ANKMY1: variants seen among roughly 807,000 people sequenced by gnomAD.
ANKMY1 encodes the protein ankyrin repeat and MYND domain-containing protein 1.
A neutral mutation model predicts 102.0 loss-of-function variants in ANKMY1; 98 were observed. That is an observed-to-expected ratio of 0.96 (90% confidence interval 0.82 to 1.14). The LOEUF (loss-of-function observed/expected upper bound fraction) is 1.14. Ranked by LOEUF, ANKMY1 falls within the 50% of genes most tolerant of loss-of-function variation. The pLI, the probability that ANKMY1 is intolerant of heterozygous loss-of-function variation, is 0.00. For missense variants in ANKMY1, 1,330 were observed against 1,347.6 expected (o/e 0.99, Z 0.20); for synonymous variants, 582 against 559.9 (o/e 1.04, Z -0.56).
intron 4 of ANKMY1, among the ~76,000 whole-genome samples, chr2:240,531,469 T>A (rs1575206876): frequency 6.6e-6 from 1 of 152,154 alleles, no homozygotes; most frequent in Admixed American, 6.5e-5. Context: ...AACCAAAAAT[T>A]TGGAAGAAGT....
intron 4 of ANKMY1, among the ~76,000 whole-genome samples, chr2:240,536,657 C>T (rs1445049692): frequency 6.6e-6 from 1 of 152,214 alleles, no homozygotes; most frequent in Admixed American, 6.5e-5. Flanking sequence ...AGATGTATCG[C>T]ATTGCCTTTC....
the ANKMY1 span, among the ~76,000 whole-genome samples, chr2:240,469,953 CAT>C: frequency 1.3e-5 from 2 of 152,236 alleles, no homozygotes; most frequent in African/African-American, 2.4e-5. Flanking sequence ...CATGCATGCA[CAT>C]GTGCACAGGC....
rs568628000 is a variant in ANKMY1, at chr2:240,535,295, T to C, written c.481-5786A>G. Among the ~76,000 whole-genome samples the C allele has an allele frequency of 3.9e-5, 6 of 152,324 alleles. No homozygotes were observed. The East Asian group carries it at 9.6e-4, about 24-fold the overall frequency. ...AAAGTGGGGGCTTTCAGGCTGCAGG[T>C]AAATTTAAATATTTTCTGGTTGACA... On this transcript the variant is annotated intron_variant, in intron 4 of 17. Transcript: ENST00000401804.
At chr2:240,538,577 C>G (rs2087613807) in intron 4 of ANKMY1, among the ~76,000 whole-genome samples, 1 of 152,184 alleles carries the variant, frequency 6.6e-6, no homozygotes, top group East Asian at 1.9e-4. Context: ...CCTGCACTGC[C>G]CCAGCCTCCC....
intron 12 of ANKMY1, among the ~76,000 whole-genome samples, chr2:240,508,591 C>T (rs1032983508): frequency 2.0e-5 from 3 of 152,206 alleles, no homozygotes; most frequent in African/African-American, 7.2e-5. Flanking sequence ...CTTTATAATA[C>T]TTGTCATTTC....
chr2:240,496,332 C>G (rs763040759), intron 15 of ANKMY1, among the ~76,000 whole-genome samples: 2 of 151,322 alleles, frequency 1.3e-5, no homozygotes, highest in Non-Finnish European at 2.9e-5. Flanking sequence ...TCTCTCTCAC[C>G]TCTGCTTCTG....
chr2:240,471,902 GA>G, the ANKMY1 span, among the ~76,000 whole-genome samples: 1 of 152,132 alleles, frequency 6.6e-6, no homozygotes, highest in African/African-American at 2.4e-5. Flanking sequence ...CCTGACACAG[GA>G]ACCATCTGCC....
intron 9 of ANKMY1, among the ~76,000 whole-genome samples, chr2:240,516,541 T>C (rs954941482): frequency 6.6e-6 from 1 of 152,366 alleles, no homozygotes; most frequent in East Asian, 1.9e-4. Flanking sequence ...CTAATTATTG[T>C]TAAGTTGTTG....
intron 11 of ANKMY1, among the ~76,000 whole-genome samples, chr2:240,510,677 T>TGAGGGGCTCCTGGGA (rs2080001751): frequency 6.6e-6 from 1 of 152,132 alleles, no homozygotes; most frequent in African/African-American, 2.4e-5. Context: ...AGAAGTCTGC[T>TGAGGGGCTCCTGGGA]GAGGGGCTCC....
intron 14 of ANKMY1, 95 bp downstream of exon 14, chr2:240,500,357 G>A: frequency 5.9e-6 from 8 of 1,350,230 alleles, no homozygotes; most frequent in South Asian, 4.0e-5. Flanking sequence ...GGAACCTTGA[G>A]CCCAGCTTTG....
At chr2:240,558,426 G>C (rs2092649794), upstream of ANKMY1, 1 of 150,618 alleles carries the variant, frequency 6.6e-6, no homozygotes, top group Non-Finnish European at 1.5e-5. Flanking sequence ...AGATGAGGGA[G>C]GCCGCAAGAG....
Position 240,555,163 on chromosome 2 carries a change from G to A in ANKMY1, c.147-108C>T, listed in dbSNP as rs543119971. The A allele has an allele frequency of 7.5e-5, 92 of 1,222,172 alleles. No individual in the cohort carries two copies. In the African/African-American group the frequency reaches 1.2e-3, roughly 16 times the overall value. The allele number at this position is 1,222,172 out of a possible 1,614,324, so 75.7% of individuals were successfully genotyped here. ...ACCCAGCATCTCATTTCATCCCACA[G>A]TCCCGGGGCAGGTGCCGCTGCATCC... is the stretch of plus-strand genomic sequence containing the variant. On this transcript the variant is annotated intron_variant, in intron 2 of 17. Transcript: ENST00000401804.
intron 4 of ANKMY1, among the ~76,000 whole-genome samples, chr2:240,535,969 G>A (rs2086633068): frequency 6.6e-6 from 1 of 151,972 alleles, no homozygotes; most frequent in South Asian, 2.1e-4. Flanking sequence ...TTAAAAAGTT[G>A]GCCAAAGTCT....
intron 15 of ANKMY1, among the ~76,000 whole-genome samples, chr2:240,497,197 T>C (rs1398680167): frequency 6.6e-6 from 1 of 152,036 alleles, no homozygotes; most frequent in African/African-American, 2.4e-5. Flanking sequence ...CGCCACCTCC[T>C]CGCCATCTTG....
chr2:240,515,999 C>T (rs2081134357), intron 9 of ANKMY1, among the ~76,000 whole-genome samples: 1 of 151,586 alleles, frequency 6.6e-6, no homozygotes, highest in Non-Finnish European at 1.5e-5. Flanking sequence ...GCTGGGATTA[C>T]AGGCAATAAT....
At chr2:240,497,273 G>A (rs937526116) in intron 15 of ANKMY1, among the ~76,000 whole-genome samples, 1 of 152,140 alleles carries the variant, frequency 6.6e-6, no homozygotes, top group African/African-American at 2.4e-5. Flanking sequence ...TAAGAATGGT[G>A]CCGCCACCTC....
Position 240,529,944 on chromosome 2 carries a change from G to A in ANKMY1, c.481-435C>T. Among the ~76,000 whole-genome samples the A allele has an allele frequency of 6.6e-6, 1 of 151,836 alleles. No homozygotes were observed. Among genetic ancestry groups the A allele is most frequent in the East Asian group, 1.9e-4 (1 of 5,174 alleles). On this transcript the variant is annotated intron_variant, in intron 4 of 17. Transcript: ENST00000401804. This position sits in a 1 kb window ranked among gnomAD's most constrained non-coding sequence, Gnocchi z 4.2. ...CCAACAAGGGGCAGGAGAAGGAGGA[G>A]GAGATAGAGGAAAGGAAGAGGAGGA...
the ANKMY1 span, among the ~76,000 whole-genome samples, chr2:240,472,060 G>A: frequency 8.6e-5 from 13 of 151,694 alleles, no homozygotes; most frequent in East Asian, 2.0e-4. Flanking sequence ...TCCCAAGGAC[G>A]TGCTGGGAGA....
chr2:240,483,607 T>C (rs1374465740), intron 15 of ANKMY1, among the ~76,000 whole-genome samples: 2 of 152,224 alleles, frequency 1.3e-5, no homozygotes, highest in African/African-American at 4.8e-5. Flanking sequence ...ATTTGATATT[T>C]TGCATTTTGT....
Sources: gnomAD v4.1 joint callset for allele counts (sites outside exome capture counted in the v4.1 genomes callset) on GRCh38, gnomAD v4.1.1 for gene constraint, Gnocchi (gnomAD v3.1) non-coding constraint, MANE v1.5 for transcripts, NCBI Gene and HGNC (gene_info 2026-07-23, HGNC 2026-07-21) for gene names.